PPP6C: variants seen among roughly 807,000 people sequenced by gnomAD.
The protein encoded by PPP6C is protein phosphatase 6 catalytic subunit.
A neutral mutation model predicts 39.8 loss-of-function variants in PPP6C; 11 were observed. The ratio of observed to expected loss-of-function variants is 0.28; its 90% CI spans 0.17 to 0.46. The LOEUF (loss-of-function observed/expected upper bound fraction) is 0.46. Among genes scored for constraint, PPP6C ranks in the 20% least tolerant of loss-of-function variants. The pLI is 1.00. For synonymous variants in PPP6C, 129 were observed against 130.3 expected, an observed-to-expected ratio of 0.99 and a Z score of 0.07; for missense variants, 211 against 373.9, an observed-to-expected ratio of 0.56 and a Z score of 3.59.
chr9:125,185,669 G>A (rs1793155875), intron 1 of PPP6C, among the ~76,000 whole-genome samples: 2 of 150,856 alleles, frequency 1.3e-5, no homozygotes, highest in South Asian at 2.1e-4. Flanking sequence ...ACTCTAGCCT[G>A]GGCAACAGAG....
chr9:125,155,199 C>T (rs1030164360), intron 4 of PPP6C, among the ~76,000 whole-genome samples: 1 of 152,098 alleles, frequency 6.6e-6, no homozygotes, highest in Non-Finnish European at 1.5e-5. Flanking sequence ...AGCCACTGTA[C>T]CCTGACTGTC....
At chr9:125,154,834 A>C (rs1836029242) in intron 4 of PPP6C, among the ~76,000 whole-genome samples, 1 of 152,202 alleles carries the variant, frequency 6.6e-6, no homozygotes, top group African/African-American at 2.4e-5. Flanking sequence ...ATCAAAACTG[A>C]GGACAGATTG....
Position 125,184,966 on chromosome 9 carries a change from C to CAAAA in PPP6C, c.75+4674_75+4677dup, listed in dbSNP as rs34609209. On this transcript the variant is annotated intron_variant, in intron 1 of 6. Coordinates refer to ENST00000373547, the MANE Select transcript of PPP6C (RefSeq NM_002721.5). ...TGGGCAATAGAGTTAGATTCAGTCT[C>CAAAA]AAAAAAAAAAAAAAAAAAAAAACCT... is the stretch of plus-strand genomic sequence containing the variant. Among the ~76,000 whole-genome samples, 5 of 70,022 alleles carry CAAAA rather than the reference C, an allele frequency of 7.1e-5. 1 individual carries two copies. The South Asian group carries it at 2.1e-3, about 30-fold the overall frequency. The allele number at this position is 70,022 out of a possible 152,430, so 45.9% of individuals were successfully genotyped here. A position where few individuals can be genotyped will look rare whatever the true frequency, so the allele number is the denominator to read the frequency against.
chr9:125,182,656 T>C (rs923334789), intron 1 of PPP6C, among the ~76,000 whole-genome samples: 2 of 151,196 alleles, frequency 1.3e-5, no homozygotes, highest in Non-Finnish European at 2.9e-5. Context: ...TCAGGCCAGA[T>C]CAGAGTTTCT....
At chr9:125,172,722 C>CACACACAA (rs1554722571) in intron 1 of PPP6C, among the ~76,000 whole-genome samples, 1 of 9,618 alleles carries the variant, frequency 1.0e-4, no homozygotes, top group Non-Finnish European at 1.9e-3. Context: ...TACACACAAA[C>CACACACAA]ACACACACAC....
In PPP6C at chr9:125,152,347, G is replaced by A. The variant is rs117197702; in HGVS notation, c.669+1186C>T. Among the ~76,000 whole-genome samples the A allele has an allele frequency of 6.4e-3, 970 of 152,246 alleles. 10 individuals are homozygous for A. The highest frequency in any genetic ancestry group is 0.029 in the East Asian group (152 of 5,186). On this transcript the variant is annotated intron_variant, in intron 6 of 6. Coordinates refer to ENST00000373547, the MANE Select transcript of PPP6C (RefSeq NM_002721.5). ...GGAAAGCAAATGTGCTTCCTGCTAT[G>A]TAATCGCTAACATTCACATTACATG...
At chr9:125,179,274 C>T (rs762474349) in intron 1 of PPP6C, among the ~76,000 whole-genome samples, 27 of 151,628 alleles carry the variant, frequency 1.8e-4, no homozygotes, top group Non-Finnish European at 3.5e-4. Context: ...ACACGTCTTT[C>T]ACAAATATTT....
intron 1 of PPP6C, among the ~76,000 whole-genome samples, chr9:125,173,896 G>A (rs368612827): frequency 6.6e-6 from 1 of 152,240 alleles, no homozygotes; most frequent in South Asian, 2.1e-4. Flanking sequence ...GATTACAGGC[G>A]TGAGCCACCG....
rs141700477 is a variant in PPP6C, at chr9:125,156,903, C to A, written c.379+1338G>T. 1.7e-3 allele frequency among the ~76,000 whole-genome samples: 264 copies of A among 152,212 alleles called. 3 individuals carry two copies. Among genetic ancestry groups the A allele is most frequent in the African/African-American group, 5.9e-3 (247 of 41,538 alleles). On this transcript the variant is annotated intron_variant, in intron 4 of 6. Coordinates refer to ENST00000373547, the MANE Select transcript of PPP6C (RefSeq NM_002721.5). Reference sequence around the variant, plus strand: ...TCTTGGCTCACTGCAACCTCCACCTCCTGGGTTCAATCAATTCTCCCTGCC... The same window carrying A: ...TCTTGGCTCACTGCAACCTCCACCTACTGGGTTCAATCAATTCTCCCTGCC...
In PPP6C at chr9:125,154,633, GT is replaced by G. The variant is rs1460108870; in HGVS notation, c.380-649del. Among the ~76,000 whole-genome samples, 6 of 152,340 alleles carry G rather than the reference GT, an allele frequency of 3.9e-5. No individual in the cohort carries two copies. The South Asian group carries it at 1.0e-3, about 26-fold the overall frequency. On this transcript the variant is annotated intron_variant, in intron 4 of 6. Transcript: ENST00000373547. ...CTGAAGCAAATGTTTTAACAGTTAT[GT>G]TAATATTAGGCAATTCTGGTAAGCA...
intron 6 of PPP6C, among the ~76,000 whole-genome samples, chr9:125,152,261 T>C (rs1260336766): frequency 6.6e-6 from 1 of 152,160 alleles, no homozygotes; most frequent in Non-Finnish European, 1.5e-5. Context: ...TTCATCCATC[T>C]TGATCCTTTC....
At chr9:125,172,460 G>T (rs1829192136) in intron 1 of PPP6C, among the ~76,000 whole-genome samples, 1 of 152,092 alleles carries the variant, frequency 6.6e-6, no homozygotes, top group African/African-American at 2.4e-5. Context: ...GCCCGCTTCG[G>T]CCTCCCAAAG....
chr9:125,151,615 A>T, intron 6 of PPP6C: 1 of 710,396 alleles, frequency 1.4e-6, no homozygotes, highest in Non-Finnish European at 2.6e-6. Context: ...GAGGCTTTTT[A>T]AGAATAAAAT....
intron 1 of PPP6C, among the ~76,000 whole-genome samples, chr9:125,186,218 T>G (rs1356736950): frequency 1.3e-5 from 2 of 152,068 alleles, no homozygotes; most frequent in Non-Finnish European, 2.9e-5. Flanking sequence ...ATTTTGCCTT[T>G]ACAGCCTCAG....
intron 2 of PPP6C, among the ~76,000 whole-genome samples, chr9:125,166,891 T>C (rs1209010140): frequency 2.0e-5 from 3 of 151,906 alleles, no homozygotes; most frequent in Non-Finnish European, 4.4e-5. Flanking sequence ...TCCCATTTCA[T>C]CACACAGACT....
chr9:125,168,244 C>T (rs977479146), intron 2 of PPP6C, among the ~76,000 whole-genome samples: 4 of 152,148 alleles, frequency 2.6e-5, no homozygotes, highest in Non-Finnish European at 5.9e-5. Flanking sequence ...TTGTATCTGA[C>T]ACTGAAATCT....
At chr9:125,165,269 C>A (rs1828987773) in intron 2 of PPP6C, among the ~76,000 whole-genome samples, 1 of 151,968 alleles carries the variant, frequency 6.6e-6, no homozygotes, top group Non-Finnish European at 1.5e-5. Flanking sequence ...CACGGTGACT[C>A]ACACCTGTAA....
chr9:125,174,853 A>C (rs2131334064), intron 1 of PPP6C, among the ~76,000 whole-genome samples: 1 of 152,180 alleles, frequency 6.6e-6, no homozygotes, highest in African/African-American at 2.4e-5. Context: ...CAGAGGTTGC[A>C]GTGTGCCGAG....
At chr9:125,189,516 T>G (rs1000924597) in intron 1 of PPP6C, 128 bp downstream of exon 1, 1 of 1,477,736 alleles carries the variant, frequency 6.8e-7, no homozygotes, top group Non-Finnish European at 9.0e-7. Context: ...TAGGACCGGG[T>G]CGACTGGCAA....
Sources: gnomAD v4.1 joint callset for allele counts (sites outside exome capture counted in the v4.1 genomes callset) on GRCh38, gnomAD v4.1.1 for gene constraint, MANE v1.5 for transcripts, NCBI Gene and HGNC (gene_info 2026-07-23, HGNC 2026-07-21) for gene names.